The following MYRIP variants were observed in gnomAD, a reference collection of about 807,000 sequenced individuals.
MYRIP encodes rab effector MyRIP.
MYRIP carries 49 observed loss-of-function variants against 98.0 expected under a neutral mutation model. The observed-to-expected ratio is 0.50, with a 90% CI of 0.40 to 0.63. MYRIP has a LOEUF of 0.63. Among genes scored for constraint, MYRIP ranks in the 30% least tolerant of loss-of-function variants. The pLI, the probability that MYRIP is intolerant of heterozygous loss-of-function variation, is 0.00. For missense variants in MYRIP, 1,004 were observed against 1,058.2 expected (o/e 0.95, Z 0.71); for synonymous variants, 404 against 409.5 (o/e 0.99, Z 0.16).
intron 2 of MYRIP, among the ~76,000 whole-genome samples, chr3:39,915,347 C>A (rs1408363120): frequency 6.6e-6 from 1 of 151,990 alleles, no homozygotes. Flanking sequence ...CTAAGATCAA[C>A]CCCTTTTAAT....
intron 1 of MYRIP, among the ~76,000 whole-genome samples, chr3:39,885,535 T>C (rs1046163313): frequency 1.3e-5 from 2 of 152,098 alleles, no homozygotes; most frequent in Non-Finnish European, 2.9e-5. Flanking sequence ...TGAATCTGAA[T>C]GTTGGCCTGC....
At chr3:40,024,565 T>C (rs1029019164) in intron 2 of MYRIP, among the ~76,000 whole-genome samples, 15 of 149,994 alleles carry the variant, frequency 1.0e-4, no homozygotes, top group Non-Finnish European at 1.6e-4. Flanking sequence ...AGATGCTTTT[T>C]GTGGGTTTTT....
intron 3 of MYRIP, among the ~76,000 whole-genome samples, chr3:40,070,778 G>C (rs1374508847): frequency 6.6e-6 from 1 of 152,188 alleles, no homozygotes; most frequent in East Asian, 1.9e-4. Context: ...AAAGGCTGGG[G>C]ACTGCTGCTT....
chr3:40,200,646 A>G (rs994385643), intron 10 of MYRIP, among the ~76,000 whole-genome samples: 17 of 152,210 alleles, frequency 1.1e-4, no homozygotes, highest in Admixed American at 5.9e-4. Context: ...CAATAAAACC[A>G]TGTCAATTCC....
intron 11 of MYRIP, among the ~76,000 whole-genome samples, chr3:40,219,599 C>T (rs1046746649): frequency 9.2e-5 from 14 of 152,022 alleles, no homozygotes; most frequent in African/African-American, 3.1e-4. Flanking sequence ...GTTTTTTGTC[C>T]TTGCGATAGT....
chr3:40,196,382 G>A (rs1318066398), intron 10 of MYRIP, among the ~76,000 whole-genome samples: 1 of 151,036 alleles, frequency 6.6e-6, no homozygotes, highest in Non-Finnish European at 1.5e-5. Flanking sequence ...ATTCAGTTTT[G>A]TTTCCACCCC....
intron 2 of MYRIP, among the ~76,000 whole-genome samples, chr3:39,908,436 C>G (rs557318575): frequency 2.2e-3 from 329 of 152,260 alleles, no homozygotes; most frequent in Non-Finnish European, 3.7e-3. Context: ...TCCACCCCCC[C>G]CATTGCTCAG....
At chr3:40,109,369 A>T (rs1431167386) in intron 3 of MYRIP, among the ~76,000 whole-genome samples, 1 of 152,244 alleles carries the variant, frequency 6.6e-6, no homozygotes, top group African/African-American at 2.4e-5. Context: ...AGTCGAGTTC[A>T]TGCTAAGAAG....
At chr3:39,829,615 G>A (rs1278203050) in intron 1 of MYRIP, among the ~76,000 whole-genome samples, 1 of 152,166 alleles carries the variant, frequency 6.6e-6, no homozygotes, top group Non-Finnish European at 1.5e-5. Context: ...CATGCACATC[G>A]TGTGTTGGCT....
intron 3 of MYRIP, among the ~76,000 whole-genome samples, chr3:40,129,816 G>A (rs1438642172): frequency 6.6e-6 from 1 of 152,140 alleles, no homozygotes; most frequent in South Asian, 2.1e-4. Flanking sequence ...TGTTTTAGTC[G>A]AATGAGCCAA....
In MYRIP at chr3:39,829,027, C is replaced by T. The variant is rs182074103; in HGVS notation, c.-31+19111C>T. ...ATTGCTGGATCAAATGGTAGTTCTACTTTTAGTTCTTTAAGGAATCTCCAC... is the reference window on the plus strand; with the variant it reads ...ATTGCTGGATCAAATGGTAGTTCTATTTTTAGTTCTTTAAGGAATCTCCAC... On this transcript the variant is annotated intron_variant, in intron 1 of 16. Transcript: ENST00000302541. Among the ~76,000 whole-genome samples, 330 of 152,236 alleles carry T rather than the reference C, an allele frequency of 2.2e-3. 2 individuals carry two copies. Among genetic ancestry groups the T allele is most frequent in the African/African-American group, 7.7e-3 (320 of 41,566 alleles).
intron 12 of MYRIP, among the ~76,000 whole-genome samples, chr3:40,240,347 A>G (rs1952969070): frequency 1.3e-5 from 2 of 152,190 alleles, no homozygotes; most frequent in South Asian, 4.1e-4. Flanking sequence ...GCGATGCAGA[A>G]GACGGGTGAT....
chr3:40,181,265 G>A (rs995297672), intron 8 of MYRIP, among the ~76,000 whole-genome samples: 5 of 152,120 alleles, frequency 3.3e-5, no homozygotes, highest in Admixed American at 6.5e-5. Flanking sequence ...CAGCTCCAAA[G>A]CACCCCATGG....
intron 2 of MYRIP, among the ~76,000 whole-genome samples, chr3:39,935,747 C>G (rs1391180878): frequency 6.6e-6 from 1 of 152,094 alleles, no homozygotes. Context: ...CAAGCAGGAA[C>G]AGGAAATGCT....
In MYRIP at chr3:40,185,563, A is replaced by C. The variant is rs139429638; in HGVS notation, c.1027+3190A>C. Among the ~76,000 whole-genome samples, 95 of 152,232 alleles carry C rather than the reference A, an allele frequency of 6.2e-4. 1 individual carries two copies. Among genetic ancestry groups the C allele is most frequent in the African/African-American group, 2.3e-3 (95 of 41,548 alleles). The stretch of plus-strand genomic sequence containing the variant: ...GATAATGCTGCTCAACAACCACCAA[A>C]GTTTTCACATGTCTGGGTATTCAGG... On this transcript the variant is annotated intron_variant, in intron 9 of 16. Coordinates refer to ENST00000302541, the MANE Select transcript of MYRIP (RefSeq NM_015460.4).
chr3:39,899,830 C>G (rs1943703989), intron 1 of MYRIP, among the ~76,000 whole-genome samples: 1 of 152,138 alleles, frequency 6.6e-6, no homozygotes, highest in Non-Finnish European at 1.5e-5. Flanking sequence ...TTTGCCATTT[C>G]TATTTTTTGA....
intron 2 of MYRIP, 88 bp from the exon 3 acceptor site, chr3:40,043,962 G>A: frequency 1.6e-6 from 2 of 1,257,956 alleles, no homozygotes; most frequent in Non-Finnish European, 1.1e-6. Flanking sequence ...GCCTAAGGGA[G>A]GGACAGGGTG....
intron 16 of MYRIP, among the ~76,000 whole-genome samples, chr3:40,253,396 T>TAATC (rs920540034): frequency 3.3e-5 from 5 of 152,328 alleles, no homozygotes; most frequent in Non-Finnish European, 7.3e-5. Flanking sequence ...CTCTTACTTT[T>TAATC]AATCAGTGAA....
At chr3:40,207,352 A>T (rs1951814765) in intron 10 of MYRIP, among the ~76,000 whole-genome samples, 1 of 152,146 alleles carries the variant, frequency 6.6e-6, no homozygotes, top group African/African-American at 2.4e-5. Flanking sequence ...CTTCCTGTGG[A>T]CCACCTGCAC....
Sources: allele counts gnomAD v4.1 joint callset (sites outside exome capture counted in the v4.1 genomes callset), GRCh38; gene constraint gnomAD v4.1.1; transcripts MANE v1.5; gene names NCBI Gene and HGNC (gene_info 2026-07-23, HGNC 2026-07-21).